Variants in UPP2 observed in about 807,000 individuals in gnomAD.
The protein encoded by UPP2 is uridine phosphorylase 2.
Under a neutral mutation model 26.7 loss-of-function variants are expected in UPP2, and 23 were observed. The ratio of observed to expected loss-of-function variants is 0.86; its 90% CI spans 0.62 to 1.22. The LOEUF is 1.22. Among genes scored for constraint, UPP2 ranks in the 50% most tolerant of loss-of-function variants. UPP2 has a pLI of 0.00. For missense variants in UPP2, 387 were observed against 396.7 expected (o/e 0.98, Z 0.21); for synonymous variants, 127 against 141.3 (o/e 0.90, Z 0.72).
chr2:158,097,505 C>CAATG (rs1468898342), upstream of UPP2, among the ~76,000 whole-genome samples: 8 of 152,146 alleles, frequency 5.3e-5, no homozygotes, highest in African/African-American at 1.9e-4. Flanking sequence ...CCTTGTGGGT[C>CAATG]CTGGAAAATA....
intron 6 of UPP2, among the ~76,000 whole-genome samples, chr2:158,127,013 T>C (rs1290583510): frequency 6.6e-6 from 1 of 152,240 alleles, no homozygotes; most frequent in East Asian, 1.9e-4. Context: ...AAAGGTCTTC[T>C]AGAGAACCAT....
At chr2:158,006,431 C>A (rs1294530371) in intron 2 of UPP2, among the ~76,000 whole-genome samples, 7 of 137,500 alleles carry the variant, frequency 5.1e-5, no homozygotes, top group Admixed American at 4.2e-4. Context: ...GAGCCGAGAT[C>A]GTACCGCTGC....
At chr2:158,104,956 G>A (rs1251447419) in intron 1 of UPP2, among the ~76,000 whole-genome samples, 8 of 72,734 alleles carry the variant, frequency 1.1e-4, no homozygotes, top group African/African-American at 4.8e-4. Context: ...GGAAGGGAAG[G>A]GAAGGGAAGG....
rs762036788 is a variant in UPP2 at position 158,115,121 on chromosome 2, C to T, written c.201C>T (p.Ser67=). The change falls in exon 3 of 7, where the codon AGC becomes AGT. Residue 67 remains serine, a synonymous_variant. Coordinates refer to ENST00000005756, the MANE Select transcript of UPP2 (RefSeq NM_173355.4). ...GDVKFVCVGG[S]PNRMKAFALF... ...AACAGTTTGTCTGTGTCGGTGGGAGCCCCAACAGAATGAAAGCATTTGCAC... is the reference window on the plus strand; with the variant it reads ...AACAGTTTGTCTGTGTCGGTGGGAGTCCCAACAGAATGAAAGCATTTGCAC... 4 of 1,608,406 alleles carry T rather than the reference C, an allele frequency of 2.5e-6. No individual in the cohort carries two copies. The South Asian group carries it at 4.4e-5, about 18-fold the overall frequency.
chr2:158,090,507 A>C (rs1442906544), intron 3 of UPP2, among the ~76,000 whole-genome samples: 1 of 150,622 alleles, frequency 6.6e-6, no homozygotes, highest in Non-Finnish European at 1.5e-5. Context: ...TCTCAAAAAA[A>C]CCCAAAAAAC....
intron 2 of UPP2, among the ~76,000 whole-genome samples, chr2:158,010,876 G>T (rs570143915): frequency 6.6e-6 from 1 of 151,228 alleles, no homozygotes; most frequent in Non-Finnish European, 1.5e-5. Flanking sequence ...AGTGATTCTG[G>T]TGCCTTAGCC....
At chr2:158,116,035 G>A (rs955661323) in intron 3 of UPP2, among the ~76,000 whole-genome samples, 1 of 152,228 alleles carries the variant, frequency 6.6e-6, no homozygotes, top group Non-Finnish European at 1.5e-5. Flanking sequence ...GAACTAAGCT[G>A]TAAGTGGCTC....
At chr2:158,077,880 A>T (rs747191263) in intron 3 of UPP2, among the ~76,000 whole-genome samples, 8 of 152,172 alleles carry the variant, frequency 5.3e-5, no homozygotes, top group Non-Finnish European at 1.0e-4. Context: ...TAAACTACCT[A>T]TCTGACAAGG....
intron 3 of UPP2, among the ~76,000 whole-genome samples, chr2:158,042,427 A>G (rs1684094207): frequency 1.3e-5 from 2 of 152,108 alleles, no homozygotes; most frequent in South Asian, 4.2e-4. Context: ...CCCTTCCCCC[A>G]TCTTAAAACA....
chr2:158,123,444 C>T (rs1183304679), intron 5 of UPP2, among the ~76,000 whole-genome samples: 2 of 152,148 alleles, frequency 1.3e-5, no homozygotes, highest in South Asian at 2.1e-4. Context: ...CTCACAGCAA[C>T]CCCCCGCTTC....
chr2:158,132,005 A>C (rs1473404041), intron 6 of UPP2, among the ~76,000 whole-genome samples: 1 of 152,194 alleles, frequency 6.6e-6, no homozygotes, highest in East Asian at 1.9e-4. Context: ...GTTTCCTTTT[A>C]TCCTTCTGCC....
intron 3 of UPP2, among the ~76,000 whole-genome samples, chr2:158,093,481 TAACCAACAAAGG>T (rs1288298827): frequency 6.6e-6 from 1 of 152,076 alleles, no homozygotes; most frequent in African/African-American, 2.4e-5. Context: ...ACAATATATA[TAACCAACAAAGG>T]ATCAGTATTC....
intron 3 of UPP2, among the ~76,000 whole-genome samples, chr2:158,034,727 A>G (rs184750365): frequency 2.0e-5 from 3 of 152,206 alleles, no homozygotes; most frequent in Non-Finnish European, 4.4e-5. Flanking sequence ...TCAGCAGTTC[A>G]TTATGTCTAT....
At chr2:158,130,848 G>C (rs182040964) in intron 6 of UPP2, among the ~76,000 whole-genome samples, 34 of 152,304 alleles carry the variant, frequency 2.2e-4, no homozygotes, top group African/African-American at 8.2e-4. Flanking sequence ...TTGTGATTTA[G>C]TATGTCTGGA....
chr2:158,061,479 T>C (rs1311282137), intron 3 of UPP2, among the ~76,000 whole-genome samples: 2 of 152,240 alleles, frequency 1.3e-5, no homozygotes, highest in Admixed American at 1.3e-4. Context: ...GTAGCAGCAT[T>C]GACTTTTTAT....
chr2:158,059,995 A>T (rs940596262), intron 3 of UPP2, among the ~76,000 whole-genome samples: 4 of 152,190 alleles, frequency 2.6e-5, no homozygotes, highest in African/African-American at 4.8e-5. Context: ...GATGGTGAAT[A>T]ACTTATAGGC....
At position 158,114,990 on chromosome 2, in the gene UPP2, G is replaced by A. The variant is rs964126134; in HGVS notation, c.181-111G>A. ...GGAACATAAACCATGACATCTACAC[G>A]TGTTCTTAAGTAAATTAACTAAAAA... On this transcript the variant is annotated intron_variant, in intron 2 of 6. Transcript: ENST00000005756. 14 of 1,056,084 alleles carry A rather than the reference G, an allele frequency of 1.3e-5. No individual in the cohort carries two copies. In the South Asian group the frequency reaches 1.9e-4, roughly 14 times the overall value. 65.4% of individuals were successfully genotyped at this position (1,056,084 alleles called of 1,614,324 possible). A position where few individuals can be genotyped will look rare whatever the true frequency, so the allele number is the denominator to read the frequency against.
chr2:158,087,819 C>T (rs1207382867), intron 3 of UPP2, among the ~76,000 whole-genome samples: 1 of 152,136 alleles, frequency 6.6e-6, no homozygotes, highest in Non-Finnish European at 1.5e-5. Context: ...GGTCTCCAGT[C>T]CCTTCTAGCT....
At chr2:157,998,752 G>A (rs559099339) in intron 2 of UPP2, among the ~76,000 whole-genome samples, 38 of 152,258 alleles carry the variant, frequency 2.5e-4, no homozygotes, top group Admixed American at 2.6e-4. Flanking sequence ...GCAGTGAGCC[G>A]AGATTGCACC....
Sources: gnomAD v4.1 joint callset for allele counts (sites outside exome capture counted in the v4.1 genomes callset) on GRCh38, gnomAD v4.1.1 for gene constraint, MANE v1.5 for transcripts, NCBI Gene and HGNC (gene_info 2026-07-23, HGNC 2026-07-21) for gene names.